LATS1: variants seen among roughly 807,000 people sequenced by gnomAD.
LATS1 encodes the protein serine/threonine-protein kinase LATS1.
A neutral mutation model predicts 106.6 loss-of-function variants in LATS1; 25 were observed. The observed-to-expected ratio is 0.23, with a 90% CI of 0.17 to 0.33. The LOEUF (loss-of-function observed/expected upper bound fraction) is 0.33. Among genes scored for constraint, LATS1 ranks in the 10% least tolerant of loss-of-function variants. LATS1 has a pLI of 1.00. For synonymous variants in LATS1, 465 were observed against 455.6 expected (o/e 1.02, Z -0.26); for missense variants, 1,040 against 1,382.6 (o/e 0.75, Z 3.93).
intron 7 of LATS1, among the ~76,000 whole-genome samples, chr6:149,668,599 T>C (rs916057200): frequency 1.5e-5 from 2 of 137,546 alleles, no homozygotes; most frequent in African/African-American, 5.7e-5. Context: ...CCATCCACCA[T>C]GCCCAGCTAT....
intron 4 of LATS1, among the ~76,000 whole-genome samples, chr6:149,681,829 T>C (rs1782046405): frequency 6.6e-6 from 1 of 152,104 alleles, no homozygotes; most frequent in Admixed American, 6.6e-5. Flanking sequence ...ATAAAAACAA[T>C]AATGGCCAGG....
At chr6:149,681,942 G>A (rs78553600) in intron 4 of LATS1, among the ~76,000 whole-genome samples, 1,793 of 152,032 alleles carry the variant, frequency 0.012, 39 homozygotes, top group African/African-American at 0.041. Flanking sequence ...GTGAAACCCC[G>A]CCTCTACTAA....
intron 1 of LATS1, among the ~76,000 whole-genome samples, chr6:149,714,606 TAAG>T (rs1173310929): frequency 3.3e-5 from 5 of 151,974 alleles, no homozygotes; most frequent in South Asian, 2.1e-4. Flanking sequence ...GTAATTCAAT[TAAG>T]AAGAAGAAAA....
rs143808823 is a variant in LATS1, at chr6:149,695,345, T to A, written c.349-124A>T. The A allele has an allele frequency of 1.7e-3, 1,056 of 605,066 alleles. 8 individuals are homozygous for A. In the African/African-American group the frequency reaches 0.018, roughly 11 times the overall value. 37.5% of individuals were successfully genotyped at this position (605,066 alleles called of 1,614,324 possible). On this transcript the variant is annotated intron_variant, in intron 2 of 7. Coordinates refer to ENST00000543571, the MANE Select transcript of LATS1 (RefSeq NM_004690.4). ...TTATGAAGAACACAGCCCCAAACCATGATATTAATGTTCTGTTTGTAGCTA... is the reference window on the plus strand; with the variant it reads ...TTATGAAGAACACAGCCCCAAACCAAGATATTAATGTTCTGTTTGTAGCTA...
chr6:149,692,794 C>A (rs1441755144), intron 3 of LATS1, among the ~76,000 whole-genome samples: 1 of 151,922 alleles, frequency 6.6e-6, no homozygotes, highest in Non-Finnish European at 1.5e-5. Context: ...CCTGCCTGAG[C>A]CTCTCAAGTA....
At chr6:149,705,981 T>G (rs1379971637) in intron 1 of LATS1, among the ~76,000 whole-genome samples, 1 of 151,186 alleles carries the variant, frequency 6.6e-6, no homozygotes, top group Non-Finnish European at 1.5e-5. Flanking sequence ...GTCGGGAGTT[T>G]GAGACCAGCC....
chr6:149,697,603 G>A (rs1249826862), intron 2 of LATS1, among the ~76,000 whole-genome samples: 1 of 152,132 alleles, frequency 6.6e-6, no homozygotes, highest in Non-Finnish European at 1.5e-5. Flanking sequence ...ATCAGGGAGT[G>A]TTTAATTTTA....
chr6:149,685,440 G>C (rs1005572801), intron 3 of LATS1, among the ~76,000 whole-genome samples: 2 of 151,788 alleles, frequency 1.3e-5, no homozygotes, highest in African/African-American at 4.8e-5. Flanking sequence ...ACCCAGGCTG[G>C]AGTGCAGTGG....
intron 1 of LATS1, among the ~76,000 whole-genome samples, chr6:149,711,301 T>G (rs778220341): frequency 3.5e-4 from 53 of 152,172 alleles, no homozygotes; most frequent in Middle Eastern, 3.4e-3. Context: ...TTCCAGCACT[T>G]TGGGAGGCCG....
intron 7 of LATS1, among the ~76,000 whole-genome samples, chr6:149,664,090 G>A (rs1028829451): frequency 5.9e-5 from 9 of 151,542 alleles, no homozygotes; most frequent in Admixed American, 1.3e-4. Context: ...AATTACAGGC[G>A]TGAGTCACTG....
chr6:149,686,582 T>C (rs867049981), intron 3 of LATS1, among the ~76,000 whole-genome samples: 2 of 152,208 alleles, frequency 1.3e-5, no homozygotes, highest in Admixed American at 1.3e-4. Context: ...CTTCTGCTGA[T>C]ACTACTTTCC....
Position 149,701,950 on chromosome 6 carries a change from G to A in LATS1, c.177C>T (p.Thr59=), listed in dbSNP as rs780750528. The change falls in exon 2 of 8, where the codon ACC becomes ACT. Residue 59 remains threonine, a synonymous_variant. Coordinates refer to ENST00000543571, the MANE Select transcript of LATS1 (RefSeq NM_004690.4). ...KAEHNMSKMS[T]EDPRQVRNPP... ...GATTTCTGACTTGTCGAGGATCTTC[G>A]GTTGACATTTTACTCATGTTATGCT... is the stretch of plus-strand genomic sequence containing the variant. The A allele has an allele frequency of 1.4e-5, 23 of 1,613,988 alleles. No individual in the cohort carries two copies. Among genetic ancestry groups the A allele is most frequent in the African/African-American group, 1.2e-4 (9 of 74,898 alleles).
At chr6:149,708,902 A>C (rs746619538) in intron 1 of LATS1, among the ~76,000 whole-genome samples, 2 of 152,158 alleles carry the variant, frequency 1.3e-5, no homozygotes, top group Non-Finnish European at 2.9e-5. Context: ...ATTTAATTAG[A>C]TCTTACTATA....
At chr6:149,698,590 G>A (rs1403273936) in intron 2 of LATS1, among the ~76,000 whole-genome samples, 3 of 147,914 alleles carry the variant, frequency 2.0e-5, no homozygotes, top group Admixed American at 1.4e-4. Flanking sequence ...TCACTCTGTC[G>A]CCCAGGCTGG....
At chr6:149,673,096 C>CTTTT (rs199602290) in intron 7 of LATS1, among the ~76,000 whole-genome samples, 5 of 119,112 alleles carry the variant, frequency 4.2e-5, no homozygotes, top group Non-Finnish European at 6.9e-5. Flanking sequence ...CTTTTCTTTT[C>CTTTT]TTTTTTTTTT....
At position 149,695,151 on chromosome 6, in the gene LATS1, T is replaced by C. The variant is rs1232722288; in HGVS notation, c.419A>G (p.Lys140Arg). ...SIEAAIEFIS[K>R]MSYQDPRREQ... The stretch of plus-strand genomic sequence containing the variant: ...TCGTCGAGGATCTTGGTAACTCATT[T>C]TACTAATGAATTCAATTGCTGCTTC... Residue 140 changes from lysine (K) to arginine (R), a missense_variant, in exon 3 of 8, where the codon AAA (lysine) becomes AGA (arginine). Physicochemically the swap from Lys to Arg is conservative, Grantham distance 26. Transcript: ENST00000543571. The C allele has an allele frequency of 6.2e-7, 1 of 1,612,406 alleles. No individual in the cohort carries two copies. Among genetic ancestry groups the C allele is most frequent in the Middle Eastern group, 1.7e-4 (1 of 6,060 alleles).
chr6:149,685,403 T>A (rs1782317051), intron 3 of LATS1, among the ~76,000 whole-genome samples: 1 of 152,018 alleles, frequency 6.6e-6, no homozygotes, highest in Admixed American at 6.6e-5. Context: ...TCTATATTTT[T>A]AAATTGAGAC....
At chr6:149,673,096 C>CTTTTTTTTTT (rs199602290) in intron 7 of LATS1, among the ~76,000 whole-genome samples, 48 of 119,050 alleles carry the variant, frequency 4.0e-4, no homozygotes, top group Non-Finnish European at 5.7e-4. Context: ...CTTTTCTTTT[C>CTTTTTTTTTT]TTTTTTTTTT....
chr6:149,689,698 G>C (rs980949314), intron 3 of LATS1, among the ~76,000 whole-genome samples: 1 of 152,070 alleles, frequency 6.6e-6, no homozygotes, highest in Admixed American at 6.6e-5. Context: ...ATCACTCTTA[G>C]AAAATGACTT....
Sources: gnomAD v4.1 joint callset for allele counts (sites outside exome capture counted in the v4.1 genomes callset) on GRCh38, gnomAD v4.1.1 for gene constraint, MANE v1.5 for transcripts, NCBI Gene and HGNC (gene_info 2026-07-23, HGNC 2026-07-21) for gene names.